PLCD4: variants seen among roughly 807,000 people sequenced by gnomAD.
PLCD4 encodes the protein 1-phosphatidylinositol 4,5-bisphosphate phosphodiesterase delta-4.
Under a neutral mutation model 90.2 loss-of-function variants are expected in PLCD4, and 63 were observed. That is an observed-to-expected ratio of 0.70 (90% CI 0.57 to 0.86). The LOEUF is 0.86. Among genes scored for constraint, PLCD4 ranks in the 40% least tolerant of loss-of-function variants. The probability of loss-of-function intolerance (pLI) is 0.00; values close to 1 mark genes in which losing one functional copy is unlikely to be tolerated. For missense variants in PLCD4, 830 were observed against 956.3 expected (o/e 0.87, Z 1.74); for synonymous variants, 294 against 356.5 (o/e 0.82, Z 1.97).
At chr2:218,622,999 C>T (rs1695953645) in intron 6 of PLCD4, 121 bp downstream of exon 6, 1 of 829,368 alleles carries the variant, frequency 1.2e-6, no homozygotes, top group Admixed American at 2.5e-5. Flanking sequence ...CTATCCTGAC[C>T]CCTGCCCAAT....
At chr2:218,630,096 G>A (rs1330573945) in intron 8 of PLCD4, among the ~76,000 whole-genome samples, 1 of 152,184 alleles carries the variant, frequency 6.6e-6, no homozygotes, top group Non-Finnish European at 1.5e-5. Flanking sequence ...ACAATCCTTT[G>A]AACCCAGGAG....
chr2:218,624,218 T>C (rs1696006379), intron 6 of PLCD4, among the ~76,000 whole-genome samples: 1 of 152,222 alleles, frequency 6.6e-6, no homozygotes, highest in African/African-American at 2.4e-5. Context: ...CAAGGTATTC[T>C]GGGTCTAAAC....
chr2:218,621,500 C>CAAA lies in PLCD4; in HGVS notation c.444_446dup (p.Lys148dup). 6.2e-7 allele frequency: 1 copy of CAAA among 1,613,872 alleles called. No homozygotes were observed. The highest frequency in any genetic ancestry group is 8.5e-7 in the Non-Finnish European group (1 of 1,179,826). ...TGAGCGATTGGTTTCAACGTGGAGA[C>CAAA]AAAAATCAGGATGGTAAGATGAGTT... On this transcript the variant is annotated inframe_insertion, in exon 5 of 16. Transcript: ENST00000450993.
At chr2:218,633,348 T>C (rs1235371049) in intron 10 of PLCD4, 1 of 703,232 alleles carries the variant, frequency 1.4e-6, no homozygotes, top group Non-Finnish European at 2.6e-6. Context: ...ATCCCAGCAG[T>C]ACATGCAGAC....
In PLCD4 at chr2:218,636,756, TTC is replaced by T; in HGVS notation, c.*183_*184del. On this transcript the variant is annotated 3_prime_UTR_variant, in exon 16 of 16. Transcript: ENST00000450993. ...TCTGGGACCTGATTTTCCACCTTTTTTCTCTTTTCTTCCCTTCCTTTGTTTTC... is the reference window on the plus strand; with the variant it reads ...TCTGGGACCTGATTTTCCACCTTTTTTCTTTTCTTCCCTTCCTTTGTTTTC... 1.4e-6 allele frequency: 1 copy of T among 691,194 alleles called. No individual in the cohort carries two copies. The highest frequency in any genetic ancestry group is 2.5e-6 in the Non-Finnish European group (1 of 399,160). The allele number at this position is 691,194 out of a possible 1,614,324, so 42.8% of individuals were successfully genotyped here. A position where few individuals can be genotyped will look rare whatever the true frequency, so the allele number is the denominator to read the frequency against.
chr2:218,609,553 CCT>C (rs1296851152), intron 1 of PLCD4: 1 of 152,204 alleles, frequency 6.6e-6, no homozygotes, highest in Non-Finnish European at 1.5e-5. Context: ...CAGATGTCAT[CCT>C]CTGTGTTTTT....
In PLCD4 at chr2:218,636,378, C is replaced by G; in HGVS notation, c.2168C>G (p.Thr723Ser). 2 of 1,614,058 alleles carry G rather than the reference C, an allele frequency of 1.2e-6. No homozygotes were observed. Among genetic ancestry groups the G allele is most frequent in the South Asian group, 2.2e-5 (2 of 91,088 alleles). Reference sequence around the variant, plus strand: ...ATTGGTCAGTACACCCTGCCTTGGACCTGCATGCAACAAGGTGAGCCAGCC... The same window carrying G: ...ATTGGTCAGTACACCCTGCCTTGGAGCTGCATGCAACAAGGTGAGCCAGCC... ...DFIGQYTLPW[T>S]CMQQGYRHIH... The change falls in exon 15 of 16, where the codon ACC becomes AGC. Residue 723 changes from threonine to serine, a missense_variant. Thr to Ser is a moderately conservative substitution (Grantham distance 58). Transcript: ENST00000450993.
Position 218,632,155 on chromosome 2 carries a change from T to C in PLCD4, c.1292T>C (p.Leu431Pro), listed in dbSNP as rs1390923067. ...PSPEELRRKI[L>P]VKGKKLTLEE... ...CCCTAGGAGCTTCGGAGGAAGATCC[T>C]GGTGAAGGGGAAGAAGTTAACACTT... The change falls in exon 10 of 16, where the codon CTG (leucine) becomes CCG (proline). Residue 431 changes from leucine (L) to proline (P), a missense_variant. Transcript: ENST00000450993. The C allele has an allele frequency of 1.9e-6, 3 of 1,608,748 alleles. No homozygotes were observed. The highest frequency in any genetic ancestry group is 1.7e-5 in the Admixed American group (1 of 59,162).
At position 218,629,550 on chromosome 2, in the gene PLCD4, G is replaced by T; in HGVS notation, c.1006G>T (p.Val336Leu). Residue 336 changes from valine to leucine, a missense_variant, in exon 8 of 16, where the codon GTG becomes TTG. Transcript: ENST00000450993. Reference sequence around the variant, plus strand: ...GAAGCGGGGGTGCCGCTGCGTGGAGGTGGATGTATGGGATGGACCTAGCGG... The same window carrying T: ...GAAGCGGGGGTGCCGCTGCGTGGAGTTGGATGTATGGGATGGACCTAGCGG... ...ALKRGCRCVEVDVWDGPSGEP... is the reference protein window; with the variant it reads ...ALKRGCRCVELDVWDGPSGEP... 1 of 1,613,818 alleles carries T rather than the reference G, an allele frequency of 6.2e-7. No individual in the cohort carries two copies. The highest frequency in any genetic ancestry group is 1.1e-5 in the South Asian group (1 of 91,040).
Position 218,631,778 on chromosome 2 carries a change from C to T in PLCD4, c.1273-358C>T, listed in dbSNP as rs376873557. 5.5e-5 allele frequency among the ~76,000 whole-genome samples: 8 copies of T among 146,272 alleles called. No individual in the cohort carries two copies. In the South Asian group the frequency reaches 8.6e-4, roughly 16 times the overall value. ...CTGCACTCCAGCCCGGGCGACAGTG[C>T]GAGACTCCGTCTCAAAAAAAAAAAA... On this transcript the variant is annotated intron_variant, in intron 9 of 15. Transcript: ENST00000450993.
intron 1 of PLCD4, among the ~76,000 whole-genome samples, chr2:218,611,729 G>T (rs1695343446): frequency 6.6e-6 from 1 of 151,986 alleles, no homozygotes; most frequent in African/African-American, 2.4e-5. Context: ...CTCACGAGTA[G>T]CTGGGATTAC....
In PLCD4 at chr2:218,623,834, C is replaced by T. The variant is rs1309518331; in HGVS notation, c.772+956C>T. Among the ~76,000 whole-genome samples the T allele has an allele frequency of 2.0e-5, 3 of 152,212 alleles. No homozygotes were observed. In the East Asian group the frequency reaches 5.8e-4, roughly 29 times the overall value. On this transcript the variant is annotated intron_variant, in intron 6 of 15. Coordinates refer to ENST00000450993, the MANE Select transcript of PLCD4 (RefSeq NM_032726.4). ...AGTAGCTGGGATTACAGGCATGCGCCACCACGCCCGGCTAATTTTGTATTT... is the reference window on the plus strand; with the variant it reads ...AGTAGCTGGGATTACAGGCATGCGCTACCACGCCCGGCTAATTTTGTATTT...
Position 218,634,808 on chromosome 2 carries a change from G to A in PLCD4, c.1896+178G>A, listed in dbSNP as rs1232893977. Among the ~76,000 whole-genome samples the A allele has an allele frequency of 1.3e-5, 2 of 152,110 alleles. No homozygotes were observed. Among genetic ancestry groups the A allele is most frequent in the African/African-American group, 4.8e-5 (2 of 41,416 alleles). ...ACAACTTCCTAATTGGGTAATGTTG[G>A]GCAAGTTCCTTAACCTCTCCATACC... On this transcript the variant is annotated intron_variant, in intron 13 of 15. Transcript: ENST00000450993. The surrounding 1 kb of genome is among the most constrained non-coding windows in gnomAD (Gnocchi z 4.0).
chr2:218,630,619 T>C (rs759596796), intron 8 of PLCD4, 31 bp from the exon 9 acceptor site: 1 of 1,613,842 alleles, frequency 6.2e-7, no homozygotes, highest in Non-Finnish European at 8.5e-7. Context: ...TTTAGAACTC[T>C]GAATCCATTG....
chr2:218,629,111 G>T (rs1435719974), intron 7 of PLCD4: 2 of 157,312 alleles, frequency 1.3e-5, no homozygotes, highest in Non-Finnish European at 2.8e-5. Flanking sequence ...AGCTACTCGG[G>T]AGGCTGAGGT....
intron 4 of PLCD4, among the ~76,000 whole-genome samples, chr2:218,620,466 A>G (rs112324614): frequency 0.013 from 1,950 of 151,932 alleles, 47 homozygotes; most frequent in African/African-American, 0.045. Flanking sequence ...GTGCCACTGC[A>G]CTCTAGCCTG....
rs145252562 is a variant in PLCD4 at position 218,635,883 on chromosome 2, G to T, written c.1984G>T (p.Val662Phe). Residue 662 changes from valine (V) to phenylalanine (F), a missense_variant, in exon 14 of 16, where the codon GTT (valine) becomes TTT (phenylalanine). Physicochemically the swap from Val to Phe is conservative, Grantham distance 50. Transcript: ENST00000450993. Reference protein sequence around the residue: ...DPLVKVQIFGVRLDTARQETN... With the variant: ...DPLVKVQIFGFRLDTARQETN... The stretch of plus-strand genomic sequence containing the variant: ...ACTGGTGAAAGTGCAGATCTTTGGC[G>T]TTCGTCTAGACACAGCACGGCAGGA... 1 of 1,613,858 alleles carries T rather than the reference G, an allele frequency of 6.2e-7. No homozygotes were observed. Among genetic ancestry groups the T allele is most frequent in the African/African-American group, 1.3e-5 (1 of 74,902 alleles).
At chr2:218,618,449 A>T (rs1208248775) in intron 3 of PLCD4, 130 bp from the exon 4 acceptor site, 1 of 735,584 alleles carries the variant, frequency 1.4e-6, no homozygotes, top group East Asian at 2.7e-5. Flanking sequence ...GCTTTTTGGG[A>T]TTCAGCCTGC....
At chr2:218,631,215 A>T (rs1451563211) in intron 9 of PLCD4, among the ~76,000 whole-genome samples, 1 of 151,934 alleles carries the variant, frequency 6.6e-6, no homozygotes, top group Non-Finnish European at 1.5e-5. Context: ...CCCAGGCTGG[A>T]GTGCAATGGT....
Sources: allele counts gnomAD v4.1 joint callset (sites outside exome capture counted in the v4.1 genomes callset), GRCh38; gene constraint gnomAD v4.1.1; non-coding constraint Gnocchi (gnomAD v3.1); transcripts MANE v1.5; gene names NCBI Gene and HGNC (gene_info 2026-07-23, HGNC 2026-07-21).